The following CTNND1 variants were observed in gnomAD, a reference collection of about 807,000 sequenced individuals.
The protein encoded by CTNND1 is catenin delta 1, also known as catenin delta-1.
A neutral mutation model predicts 112.1 loss-of-function variants in CTNND1; 16 were observed. The ratio of observed to expected loss-of-function variants is 0.14; its 90% confidence interval spans 0.10 to 0.22. The LOEUF (loss-of-function observed/expected upper bound fraction) is 0.22, where lower values mean the gene tolerates loss of function less well. Among genes scored for constraint, CTNND1 ranks in the 10% least tolerant of loss-of-function variants. The pLI, the probability that CTNND1 is intolerant of heterozygous loss-of-function variation, is 1.00. For synonymous variants in CTNND1, 420 were observed against 446.5 expected, an observed-to-expected ratio of 0.94 and a Z score of 0.75; for missense variants, 1,008 against 1,257.0, an observed-to-expected ratio of 0.80 and a Z score of 3.00.
Position 57,787,842 on chromosome 11 carries a change from A to AGATG in CTNND1, c.-213-1193_-213-1190dup, listed in dbSNP as rs531995299. Among the ~76,000 whole-genome samples the AGATG allele has an allele frequency of 5.9e-5, 9 of 152,368 alleles. No individual in the cohort carries two copies. The South Asian group carries it at 1.9e-3, about 32-fold the overall frequency. ...CAGGTGGTCAGCTTTAAAGCTGTGA[A>AGATG]GATGGTGGAAGCTAATGTTTCTCCA... On this transcript the variant is annotated intron_variant, in intron 1 of 20. Coordinates refer to ENST00000399050, the MANE Select transcript of CTNND1 (RefSeq NM_001085458.2).
chr11:57,806,486 G>T lies in CTNND1; in HGVS notation c.1894+8G>T. ...ATGAGTGGTTCTCCAGAGGTGAGTG[G>T]AGTCTTTTAAGGTGCTTATCTACTT... On this transcript the variant is annotated splice_region_variant and intron_variant, in intron 11 of 20. Coordinates refer to ENST00000399050, the MANE Select transcript of CTNND1 (RefSeq NM_001085458.2). 1 of 1,600,426 alleles carries T rather than the reference G, an allele frequency of 6.2e-7. No individual in the cohort carries two copies. The highest frequency in any genetic ancestry group is 2.2e-5 in the East Asian group (1 of 44,676).
At position 57,806,023 on chromosome 11, in the gene CTNND1, A is replaced by G. The variant is rs1464869223; in HGVS notation, c.1864A>G (p.Lys622Glu). The G allele has an allele frequency of 3.1e-6, 5 of 1,610,660 alleles. No individual in the cohort carries two copies. Among genetic ancestry groups the G allele is most frequent in the Non-Finnish European group, 4.2e-6 (5 of 1,178,210 alleles). Residue 622 changes from lysine (K) to glutamate (E), a missense_variant, in exon 10 of 21, where the codon AAG (lysine) becomes GAG (glutamate). Around this residue, in one of 5 missense-constraint regions of CTNND1, gnomAD observed 254 missense variants for 279.5 expected, o/e 0.91. Coordinates refer to ENST00000399050, the MANE Select transcript of CTNND1 (RefSeq NM_001085458.2). Reference protein sequence around the residue: ...GPHAASCFGAKKGKDEWFSRG... With the variant: ...GPHAASCFGAEKGKDEWFSRG... ...ACATGCTGCCAGTTGCTTTGGGGCC[A>G]AGAAGGGCAAAGGTGAGTCTTGGTT...
Position 57,789,073 on chromosome 11 carries a change from G to GGGAT in CTNND1, c.-175_-172dup. 1.3e-6 allele frequency: 2 copies of GGGAT among 1,535,564 alleles called. No individual in the cohort carries two copies. Among genetic ancestry groups the GGGAT allele is most frequent in the African/African-American group, 2.7e-5 (2 of 73,082 alleles). On this transcript the variant is annotated 5_prime_UTR_variant, in exon 2 of 21. The change creates a new upstream start codon in the 5' untranslated region. Coordinates refer to ENST00000399050, the MANE Select transcript of CTNND1 (RefSeq NM_001085458.2). ...CTGCTTCCTCCTTGCTGTGGTGGCT[G>GGGAT]GGATGCTTCTTCCATGATTTTTTGA...
intron 1 of CTNND1, among the ~76,000 whole-genome samples, chr11:57,782,826 T>TA (rs2059718736): frequency 6.6e-6 from 1 of 152,194 alleles, no homozygotes; most frequent in East Asian, 1.9e-4. Flanking sequence ...GAAGGCCATA[T>TA]CCAGAATAAT....
At chr11:57,774,409 C>T (rs970629460) in intron 1 of CTNND1, among the ~76,000 whole-genome samples, 4 of 152,130 alleles carry the variant, frequency 2.6e-5, no homozygotes, top group African/African-American at 4.8e-5. Flanking sequence ...ACTCGGGATT[C>T]CAGAGAAGAT....
At chr11:57,777,185 A>G (rs961250911) in intron 1 of CTNND1, among the ~76,000 whole-genome samples, 12 of 152,158 alleles carry the variant, frequency 7.9e-5, no homozygotes, top group African/African-American at 2.9e-4. Context: ...CTGAAGTTCC[A>G]TAGTGTTGCT....
Position 57,802,202 on chromosome 11 carries a change from T to G in CTNND1, c.1420+6T>G. The G allele has an allele frequency of 6.3e-7, 1 of 1,595,578 alleles. No homozygotes were observed. Among genetic ancestry groups the G allele is most frequent in the Non-Finnish European group, 8.6e-7 (1 of 1,169,490 alleles). On this transcript the variant is annotated splice_donor_region_variant and intron_variant, in intron 7 of 20. Transcript: ENST00000399050. ...CCTTACTGAAGTTATTACCGGTGAG[T>G]TCTAGGCCTAAGGAAAATTGCTAAG...
chr11:57,815,074 T>TAC (rs2063801046), intron 18 of CTNND1, among the ~76,000 whole-genome samples: 1 of 152,114 alleles, frequency 6.6e-6, no homozygotes, highest in South Asian at 2.1e-4. Flanking sequence ...ACTACAAGTG[T>TAC]ACACCATCAC....
chr11:57,803,877 A>G (rs1313913690), intron 8 of CTNND1, 73 bp downstream of exon 8: 3 of 1,244,368 alleles, frequency 2.4e-6, no homozygotes, highest in Non-Finnish European at 3.3e-6. Context: ...AAAAAAAAAA[A>G]AATTAAAATT....
Position 57,809,297 on chromosome 11 carries a change from G to C in CTNND1, c.2266G>C (p.Val756Leu). 1 of 1,613,618 alleles carries C rather than the reference G, an allele frequency of 6.2e-7. No homozygotes were observed. The highest frequency in any genetic ancestry group is 1.3e-5 in the African/African-American group (1 of 75,018). Reference sequence around the variant, plus strand: ...AGGTAAACATGCTATTCCTAACTTGGTAAAGAATCTGCCAGGAGGACAGCA... The same window carrying C: ...AGGTAAACATGCTATTCCTAACTTGCTAAAGAATCTGCCAGGAGGACAGCA... ...LIGKHAIPNL[V>L]KNLPGGQQNS... Residue 756 changes from valine to leucine, a missense_variant, in exon 15 of 21, where the codon GTA becomes CTA. Physicochemically the swap from Val to Leu is conservative, Grantham distance 32 (BLOSUM62 1). Around this residue, in one of 5 missense-constraint regions of CTNND1, gnomAD observed 254 missense variants for 279.5 expected, o/e 0.91. Coordinates refer to ENST00000399050, the MANE Select transcript of CTNND1 (RefSeq NM_001085458.2).
At chr11:57,774,668 A>G (rs1411683647) in intron 1 of CTNND1, among the ~76,000 whole-genome samples, 1 of 151,780 alleles carries the variant, frequency 6.6e-6, no homozygotes, top group African/African-American at 2.4e-5. Context: ...GTGGTTCACA[A>G]CAGGCCATAA....
chr11:57,815,333 ATATACG>A, intron 18 of CTNND1, 55 bp from the exon 19 acceptor site: 2 of 964,410 alleles, frequency 2.1e-6, no homozygotes, highest in Non-Finnish European at 3.1e-6. Flanking sequence ...TATCTGTTTG[ATATACG>A]TTTTACACTA....
chr11:57,814,640 T>C (rs766350457), intron 18 of CTNND1, among the ~76,000 whole-genome samples: 2 of 152,284 alleles, frequency 1.3e-5, no homozygotes, highest in South Asian at 4.1e-4. Context: ...GCCCATTATA[T>C]TCCTACCCCA....
chr11:57,808,506 C>T lies in CTNND1; in HGVS notation c.2208C>T (p.Asn736=), dbSNP rs759835115. ...AAGCTGCATCTGGAGCACTGAGAAA[C>T]CTGGCTGTGGATGCTCGCAACAAAG... ...VVKAASGALR[N]LAVDARNKEL... The change falls in exon 14 of 21, where the codon AAC becomes AAT. Residue 736 remains asparagine (N), a synonymous_variant. Coordinates refer to ENST00000399050, the MANE Select transcript of CTNND1 (RefSeq NM_001085458.2). The T allele has an allele frequency of 1.9e-5, 31 of 1,609,432 alleles. No homozygotes were observed. Among genetic ancestry groups the T allele is most frequent in the Non-Finnish European group, 2.5e-5 (29 of 1,178,504 alleles).
At chr11:57,795,466 G>A (rs2061263953) in intron 4 of CTNND1, 111 bp from the exon 5 acceptor site, 1 of 1,164,114 alleles carries the variant, frequency 8.6e-7, no homozygotes, top group South Asian at 1.5e-5. Flanking sequence ...GCCTATAGAA[G>A]ATGCATGAGG....
chr11:57,812,434 C>T (rs1020349954), intron 17 of CTNND1, among the ~76,000 whole-genome samples: 2 of 152,044 alleles, frequency 1.3e-5, no homozygotes, highest in Non-Finnish European at 2.9e-5. Context: ...GCAGGAGAAT[C>T]GCTTGAACCC....
At chr11:57,815,362 A>G (rs761316165) in intron 18 of CTNND1, 32 bp from the exon 19 acceptor site, 1 of 1,344,502 alleles carries the variant, frequency 7.4e-7, no homozygotes, top group Admixed American at 2.3e-5. Flanking sequence ...GGGGAATGTC[A>G]TATTTCTGTG....
intron 19 of CTNND1, 101 bp from the exon 20 acceptor site, chr11:57,815,814 G>A: frequency 1.0e-6 from 1 of 986,400 alleles, no homozygotes; most frequent in Non-Finnish European, 1.6e-6. Context: ...ATTATATCTT[G>A]TTTTGTTTGA....
At chr11:57,773,451 T>C (rs983485337) in intron 1 of CTNND1, among the ~76,000 whole-genome samples, 1 of 149,812 alleles carries the variant, frequency 6.7e-6, no homozygotes, top group African/African-American at 2.5e-5. Flanking sequence ...CCTGAGATTA[T>C]GTTTTTTTTT....
Sources: allele counts gnomAD v4.1 joint callset (sites outside exome capture counted in the v4.1 genomes callset), GRCh38; gene constraint gnomAD v4.1.1; regional missense constraint gnomAD v4.1.1; transcripts MANE v1.5; gene names NCBI Gene and HGNC (gene_info 2026-07-23, HGNC 2026-07-21).